The following TMC1 variants were observed in gnomAD, a reference collection of about 807,000 sequenced individuals.
TMC1 encodes transmembrane channel-like protein 1.
In TMC1, 84 loss-of-function variants were observed where a neutral mutation model predicts 105.8. That is an observed-to-expected ratio of 0.79 (90% confidence interval 0.67 to 0.95). The LOEUF (loss-of-function observed/expected upper bound fraction) is 0.95, where lower values mean the gene tolerates loss of function less well. Among genes scored for constraint, TMC1 ranks in the 40% least tolerant of loss-of-function variants. The pLI is 0.00. For synonymous variants in TMC1, 315 were observed against 311.5 expected, an observed-to-expected ratio of 1.01 and a Z score of -0.12; for missense variants, 817 against 914.1, an observed-to-expected ratio of 0.89 and a Z score of 1.37.
At chr9:72,623,937 TG>T (rs780149467) in intron 3 of TMC1, among the ~76,000 whole-genome samples, 138 of 152,242 alleles carry the variant, frequency 9.1e-4, no homozygotes, top group Non-Finnish European at 1.6e-3. Flanking sequence ...CAGGTACTGG[TG>T]AGCCCTTGGA....
intron 1 of TMC1, among the ~76,000 whole-genome samples, chr9:72,535,444 T>G (rs1823566321): frequency 6.6e-6 from 1 of 152,226 alleles, no homozygotes; most frequent in Non-Finnish European, 1.5e-5. Context: ...CTTGCTCTTT[T>G]CCTTCTAATC....
intron 2 of TMC1, among the ~76,000 whole-genome samples, chr9:72,580,329 A>G (rs555957611): frequency 6.6e-6 from 1 of 152,204 alleles, no homozygotes; most frequent in Non-Finnish European, 1.5e-5. Context: ...AAACCTCACT[A>G]TCAGCTCACT....
chr9:72,786,559 G>C (rs1312107802), intron 13 of TMC1, among the ~76,000 whole-genome samples: 1 of 152,208 alleles, frequency 6.6e-6, no homozygotes, highest in African/African-American at 2.4e-5. Context: ...GATGTATTGA[G>C]ATTGCTTCTC....
In TMC1 at chr9:72,838,034, T is replaced by C. The variant is rs1829152847; in HGVS notation, c.*2061T>C. 1 of 152,278 alleles carries C rather than the reference T, an allele frequency of 6.6e-6. No homozygotes were observed. Among genetic ancestry groups the C allele is most frequent in the South Asian group, 2.1e-4 (1 of 4,838 alleles). The allele number at this position is 152,278 out of a possible 1,614,324, so 9.4% of individuals were successfully genotyped here. ...TTTCTTGTCCTTATTGTAAATTCTC[T>C]GTGAGCAGGGGTTGTATCTTCTAAC... On this transcript the variant is annotated 3_prime_UTR_variant, in exon 24 of 24. Transcript: ENST00000297784.
chr9:72,782,016 A>G (rs1244248590), intron 13 of TMC1, among the ~76,000 whole-genome samples: 1 of 152,130 alleles, frequency 6.6e-6, no homozygotes, highest in Non-Finnish European at 1.5e-5. Context: ...TGAGAAAATA[A>G]AACTTCAGGC....
intron 23 of TMC1, among the ~76,000 whole-genome samples, chr9:72,833,562 A>G (rs1829075519): frequency 1.3e-5 from 2 of 152,028 alleles, no homozygotes; most frequent in Non-Finnish European, 2.9e-5. Flanking sequence ...CATTTTCCCC[A>G]ACTTCCTCTC....
chr9:72,794,455 A>G (rs1828329799), intron 17 of TMC1, among the ~76,000 whole-genome samples: 1 of 152,176 alleles, frequency 6.6e-6, no homozygotes, highest in Admixed American at 6.5e-5. Context: ...CTACCAACTG[A>G]CCAATATGCC....
chr9:72,657,861 A>G lies in TMC1; in HGVS notation c.16+9197A>G, dbSNP rs533865192. ...GCCAAATCTCTTAAGCTCCTCCACC[A>G]TATCAGTCATGACACAGTCTATAGT... On this transcript the variant is annotated intron_variant, in intron 5 of 23. Coordinates refer to ENST00000297784, the MANE Select transcript of TMC1 (RefSeq NM_138691.3). Among the ~76,000 whole-genome samples the G allele has an allele frequency of 9.8e-5, 15 of 152,296 alleles. No homozygotes were observed. In the South Asian group the frequency reaches 2.1e-3, roughly 21 times the overall value.
chr9:72,678,064 T>G (rs1826230034), intron 5 of TMC1, among the ~76,000 whole-genome samples: 1 of 152,154 alleles, frequency 6.6e-6, no homozygotes, highest in Non-Finnish European at 1.5e-5. Context: ...CATTGCTGAT[T>G]TTACAATACA....
intron 5 of TMC1, among the ~76,000 whole-genome samples, chr9:72,688,069 G>T (rs1487771071): frequency 6.6e-6 from 1 of 152,068 alleles, no homozygotes; most frequent in Non-Finnish European, 1.5e-5. Flanking sequence ...GTGTTATGGG[G>T]TGAGGAATAA....
intron 5 of TMC1, among the ~76,000 whole-genome samples, chr9:72,685,762 T>C (rs1826370761): frequency 2.0e-5 from 3 of 152,212 alleles, no homozygotes; most frequent in African/African-American, 7.2e-5. Flanking sequence ...ATTTTCTCTA[T>C]ATTCCTTTGT....
intron 20 of TMC1, 146 bp downstream of exon 20, chr9:72,821,227 C>T: frequency 7.9e-7 from 1 of 1,259,208 alleles, no homozygotes; most frequent in Non-Finnish European, 1.1e-6. Context: ...GGCGCAGTGG[C>T]TCATGCCTGT....
intron 5 of TMC1, among the ~76,000 whole-genome samples, chr9:72,671,120 T>C (rs1036173162): frequency 2.0e-5 from 3 of 152,116 alleles, no homozygotes; most frequent in Admixed American, 1.3e-4. Flanking sequence ...ATCTGAGTAT[T>C]TTTATAGTAG....
intron 5 of TMC1, among the ~76,000 whole-genome samples, chr9:72,672,871 T>C (rs1826145819): frequency 7.5e-6 from 1 of 134,090 alleles, no homozygotes; most frequent in African/African-American, 3.0e-5. Context: ...CACGTGTATA[T>C]ATATATGCAC....
chr9:72,746,243 A>G (rs1268636603), intron 10 of TMC1, among the ~76,000 whole-genome samples: 1 of 152,182 alleles, frequency 6.6e-6, no homozygotes, highest in Non-Finnish European at 1.5e-5. Context: ...TCTAATATAT[A>G]TCTTATTTAA....
chr9:72,528,364 C>T (rs564551085), intron 1 of TMC1, among the ~76,000 whole-genome samples: 26 of 146,826 alleles, frequency 1.8e-4, no homozygotes, highest in East Asian at 4.0e-4. Context: ...GACGGAGTTT[C>T]GCTCTTGTTG....
At chr9:72,754,135 G>C (rs1224884990) in intron 11 of TMC1, among the ~76,000 whole-genome samples, 1 of 152,058 alleles carries the variant, frequency 6.6e-6, no homozygotes, top group Non-Finnish European at 1.5e-5. Flanking sequence ...GCTCTTTCCA[G>C]TTCTCACCAA....
At chr9:72,558,022 G>T (rs187814529) in intron 1 of TMC1, among the ~76,000 whole-genome samples, 2 of 152,096 alleles carry the variant, frequency 1.3e-5, no homozygotes, top group African/African-American at 2.4e-5. Context: ...ACAGAAAGAG[G>T]CTTCCCTGGC....
In TMC1 at chr9:72,787,958, A is replaced by G. The variant is rs369882064; in HGVS notation, c.885-381A>G. ...TGGAGCAATGTAAAAGTCAGTATAT[A>G]TGTTTCTTTTCCCCTGGGGAGGGAT... On this transcript the variant is annotated intron_variant, in intron 13 of 23. Transcript: ENST00000297784. 1.0e-3 allele frequency among the ~76,000 whole-genome samples: 155 copies of G among 152,296 alleles called. 7 individuals are homozygous for G. In the South Asian group the frequency reaches 0.03, roughly 30 times the overall value.
Sources: gnomAD v4.1 joint callset for allele counts (sites outside exome capture counted in the v4.1 genomes callset) on GRCh38, gnomAD v4.1.1 for gene constraint, MANE v1.5 for transcripts, NCBI Gene and HGNC (gene_info 2026-07-23, HGNC 2026-07-21) for gene names.